SLC2A9: variants seen among roughly 807,000 people sequenced by gnomAD.
SLC2A9 encodes solute carrier family 2, facilitated glucose transporter member 9.
A neutral mutation model predicts 50.6 loss-of-function variants in SLC2A9; 39 were observed. The observed-to-expected ratio is 0.77, with a 90% CI of 0.60 to 1.01. The LOEUF (loss-of-function observed/expected upper bound fraction) is 1.01, where lower values mean the gene tolerates loss of function less well. Among genes scored for constraint, SLC2A9 ranks in the 50% least tolerant of loss-of-function variants. The pLI, the probability that SLC2A9 is intolerant of heterozygous loss-of-function variation, is 0.00. For synonymous variants in SLC2A9, 324 were observed against 276.9 expected (o/e 1.17, Z -1.69); for missense variants, 686 against 677.6 (o/e 1.01, Z -0.14).
rs146473160 is a variant in SLC2A9, at chr4:9,773,371, G to A, written n.182-2002C>T. Among the ~76,000 whole-genome samples, 139 of 152,332 alleles carry A rather than the reference G, an allele frequency of 9.1e-4. 2 individuals are homozygous for A. In the East Asian group the frequency reaches 0.025, roughly 27 times the overall value. On this transcript the variant is annotated intron_variant and non_coding_transcript_variant, in intron 1 of 1. Coordinates refer to the SLC2A9 transcript ENST00000508585. ...GCTACAGAACAGAGCTTTCATTGCT[G>A]TAATACAGAGTTGAGTCTTTTGATA... is the stretch of plus-strand genomic sequence containing the variant.
chr4:9,954,220 G>A (rs1047437953), intron 5 of SLC2A9, among the ~76,000 whole-genome samples: 1 of 152,260 alleles, frequency 6.6e-6, no homozygotes, highest in East Asian at 1.9e-4. Context: ...TTACAGGCAT[G>A]AGCCAATGTG....
intron 8 of SLC2A9, among the ~76,000 whole-genome samples, chr4:9,896,631 T>C (rs975869558): frequency 6.6e-6 from 1 of 152,170 alleles, no homozygotes. Context: ...ATTTGAAAAA[T>C]GGTTTGTGAT....
downstream of SLC2A9, among the ~76,000 whole-genome samples, chr4:9,795,518 G>A (rs1236788677): frequency 6.6e-6 from 1 of 152,166 alleles, no homozygotes; most frequent in African/African-American, 2.4e-5. Context: ...GAGTCACTCA[G>A]TCTCATAAGA....
chr4:9,862,658 G>C (rs1731837968), intron 10 of SLC2A9, among the ~76,000 whole-genome samples: 2 of 151,870 alleles, frequency 1.3e-5, no homozygotes, highest in African/African-American at 4.9e-5. Context: ...ATCCTCACAG[G>C]GTGGCTTCCT....
At chr4:9,807,129 C>A (rs540068005) in intron 3 of SLC2A9, among the ~76,000 whole-genome samples, 1 of 152,192 alleles carries the variant, frequency 6.6e-6, no homozygotes, top group South Asian at 2.1e-4. Context: ...GAGGAGATGC[C>A]GTGACTATGG....
rs140251931 is a variant in SLC2A9 at position 9,969,636 on chromosome 4, T to C, written c.681+10956A>G. 3.5e-3 allele frequency among the ~76,000 whole-genome samples: 526 copies of C among 152,292 alleles called. 4 individuals carry two copies. Among genetic ancestry groups the C allele is most frequent in the African/African-American group, 0.011 (477 of 41,550 alleles). On this transcript the variant is annotated intron_variant, in intron 5 of 11. Transcript: ENST00000264784. Reference sequence around the variant, plus strand: ...AATTTATAAAGAAAAAGAGGTTTAATAGACTCACAGTTCCCCATGGCTGGG... The same window carrying C: ...AATTTATAAAGAAAAAGAGGTTTAACAGACTCACAGTTCCCCATGGCTGGG...
intron 3 of SLC2A9, among the ~76,000 whole-genome samples, chr4:9,811,083 C>A (rs1722829018): frequency 6.6e-6 from 1 of 152,234 alleles, no homozygotes; most frequent in East Asian, 1.9e-4. Flanking sequence ...CACTTCTGGG[C>A]TGAGCACATG....
intron 5 of SLC2A9, among the ~76,000 whole-genome samples, chr4:9,957,588 C>T (rs949841549): frequency 6.6e-6 from 1 of 152,162 alleles, no homozygotes; most frequent in Non-Finnish European, 1.5e-5. Context: ...CAGTAATACC[C>T]TCTAAAATAT....
chr4:9,891,025 C>T (rs1384274134), intron 8 of SLC2A9, among the ~76,000 whole-genome samples: 2 of 152,186 alleles, frequency 1.3e-5, no homozygotes, highest in African/African-American at 2.4e-5. Flanking sequence ...ATATGGTCAC[C>T]ACAGCCCTTC....
chr4:10,026,039 C>T, upstream of SLC2A9: 1 of 1,506,514 alleles, frequency 6.6e-7, no homozygotes, highest in Admixed American at 1.7e-5. Context: ...AGCCATTAGA[C>T]AGCTGCTTTC....
At position 9,913,328 on chromosome 4, in the gene SLC2A9, T is replaced by A. The variant is rs201596995; in HGVS notation, c.1003-4983A>T. ...TTGTGTGTGTGTGTGTGTGTGTGTGTGTGAGAGAGAGAGAGAGAGAGAGAG... is the reference window on the plus strand; with the variant it reads ...TTGTGTGTGTGTGTGTGTGTGTGTGAGTGAGAGAGAGAGAGAGAGAGAGAG... On this transcript the variant is annotated intron_variant, in intron 7 of 11. Coordinates refer to ENST00000264784, the MANE Select transcript of SLC2A9 (RefSeq NM_020041.3). 3.3e-4 allele frequency among the ~76,000 whole-genome samples: 45 copies of A among 136,614 alleles called. No homozygotes were observed. In the East Asian group the frequency reaches 4.0e-3, roughly 12 times the overall value. 89.6% of individuals were successfully genotyped at this position (136,614 alleles called of 152,430 possible).
Position 9,829,444 on chromosome 4 carries a change from C to T in SLC2A9, c.1420-2844G>A, listed in dbSNP as rs543942238. 2.2e-4 allele frequency among the ~76,000 whole-genome samples: 30 copies of T among 137,716 alleles called. No individual in the cohort carries two copies. The East Asian group carries it at 5.2e-3, about 24-fold the overall frequency. The allele number at this position is 137,716 out of a possible 152,430, so 90.3% of individuals were successfully genotyped here. A position where few individuals can be genotyped will look rare whatever the true frequency, so the allele number is the denominator to read the frequency against. On this transcript the variant is annotated intron_variant, in intron 11 of 11. Transcript: ENST00000264784. ...GGCAATACCATTCGGGACATAGTCA[C>T]GGGCAAAGATTTCATGACAAAAATG...
chr4:9,871,556 T>C (rs1276622098), intron 10 of SLC2A9, among the ~76,000 whole-genome samples: 1 of 152,228 alleles, frequency 6.6e-6, no homozygotes, highest in Non-Finnish European at 1.5e-5. Flanking sequence ...TTCTCTTCCC[T>C]GTGTCCTCTC....
chr4:9,798,773 C>T (rs1186336231), downstream of SLC2A9: 2 of 152,182 alleles, frequency 1.3e-5, no homozygotes, highest in Non-Finnish European at 2.9e-5. Context: ...AAATCCAAGG[C>T]TCCATTTCTA....
intron 10 of SLC2A9, among the ~76,000 whole-genome samples, chr4:9,853,219 G>C (rs1331586064): frequency 6.9e-6 from 1 of 144,340 alleles, no homozygotes; most frequent in African/African-American, 2.5e-5. Context: ...GCTTGATAAA[G>C]AAGCCAGACC....
intron 3 of SLC2A9, among the ~76,000 whole-genome samples, chr4:9,817,151 T>A (rs1283944965): frequency 6.6e-6 from 1 of 152,198 alleles, no homozygotes; most frequent in Non-Finnish European, 1.5e-5. Flanking sequence ...GACCTTTGTG[T>A]CCTTATGAGG....
downstream of SLC2A9, among the ~76,000 whole-genome samples, chr4:9,775,047 T>C (rs1472331800): frequency 6.6e-6 from 1 of 152,094 alleles, no homozygotes; most frequent in Non-Finnish European, 1.5e-5. Flanking sequence ...GGCCAGAGAA[T>C]TCAGCATAAT....
At chr4:9,813,374 T>C (rs909346716) in intron 3 of SLC2A9, among the ~76,000 whole-genome samples, 3 of 152,208 alleles carry the variant, frequency 2.0e-5, no homozygotes, top group Admixed American at 6.5e-5. Context: ...TCTTCAGCCC[T>C]TGGTCTTGTA....
rs1051442915 is a variant in SLC2A9 at position 9,845,899 on chromosome 4, G to A, written c.1292-10891C>T. Among the ~76,000 whole-genome samples the A allele has an allele frequency of 1.4e-4, 22 of 152,190 alleles. No homozygotes were observed. The East Asian group carries it at 2.1e-3, about 15-fold the overall frequency. On this transcript the variant is annotated intron_variant, in intron 10 of 11. Coordinates refer to ENST00000264784, the MANE Select transcript of SLC2A9 (RefSeq NM_020041.3). ...TACAGTCATTTTGAAAACTCTTCAC[G>A]GGCATTCTGTTTTGTTTATGTAAAT...
Sources: allele counts gnomAD v4.1 joint callset (sites outside exome capture counted in the v4.1 genomes callset), GRCh38; gene constraint gnomAD v4.1.1; transcripts MANE v1.5; gene names NCBI Gene and HGNC (gene_info 2026-07-23, HGNC 2026-07-21).